SIX3: variants seen among roughly 807,000 people sequenced by gnomAD.
SIX3 encodes the protein SIX homeobox 3.
Under a neutral mutation model 21.7 loss-of-function variants are expected in SIX3, and 2 were observed. The ratio of observed to expected loss-of-function variants is 0.09; its 90% confidence interval spans 0.04 to 0.29. The LOEUF is 0.29. Ranked by LOEUF, SIX3 falls within the 10% of genes least tolerant of loss-of-function variation. SIX3 has a pLI of 1.00. For missense variants in SIX3, 347 were observed against 480.7 expected (o/e 0.72, Z 2.60); for synonymous variants, 243 against 220.6 (o/e 1.10, Z -0.90).
rs936791294 is a variant in SIX3 at position 44,945,432 on chromosome 2, G to A, written c.*672G>A. 1 of 137,106 alleles carries A rather than the reference G, an allele frequency of 7.3e-6. No individual in the cohort carries two copies. The highest frequency in any genetic ancestry group is 1.5e-5 in the Non-Finnish European group (1 of 65,530). The allele number at this position is 137,106 out of a possible 1,614,324, so 8.5% of individuals were successfully genotyped here. ...CTCTCTCTCTCTTTTTTTTTCTCTC[G>A]CTCTCTTTCTTTCTCTTCTTCTCTC... On this transcript the variant is annotated 3_prime_UTR_variant, in exon 2 of 2. Transcript: ENST00000260653.
Position 44,941,785 on chromosome 2 carries a change from C to A in SIX3, c.-320C>A, listed in dbSNP as rs920919427. 1.2e-5 allele frequency: 4 copies of A among 333,576 alleles called. No individual in the cohort carries two copies. Among genetic ancestry groups the A allele is most frequent in the East Asian group, 6.6e-5 (1 of 15,238 alleles). 20.7% of individuals were successfully genotyped at this position (333,576 alleles called of 1,614,324 possible). ...GTGGAATCGCTGAATCTTGACTCGG[C>A]GGTGGTTGGCTCTCCCTCTCCTCTC... On this transcript the variant is annotated 5_prime_UTR_variant, in exon 1 of 2. Coordinates refer to ENST00000260653, the MANE Select transcript of SIX3 (RefSeq NM_005413.4).
rs1281686738 is a variant in SIX3, at chr2:44,942,286, G to A, written c.182G>A (p.Gly61Glu). 1.3e-6 allele frequency: 2 copies of A among 1,552,646 alleles called. No homozygotes were observed. The highest frequency in any genetic ancestry group is 1.7e-6 in the Non-Finnish European group (2 of 1,156,028). Residue 61 changes from glycine (G) to glutamate (E), a missense_variant, in exon 1 of 2, where the codon GGA becomes GAA. Around this residue, in one of 4 missense-constraint regions of SIX3, gnomAD observed 105 missense variants for 116.1 expected, o/e 0.90. Transcript: ENST00000260653. This position sits in a 1 kb window ranked among gnomAD's most constrained non-coding sequence, Gnocchi z 8.4. The stretch of plus-strand genomic sequence containing the variant: ...GGTGCGGGAGGCGGCGGTGCTGGCG[G>A]AGCAGGCGGCGGCGGCGGCGGCGGC... ...GNGAGGGGAG[G>E]AGGGGGGGSR...
intron 1 of SIX3, among the ~76,000 whole-genome samples, chr2:44,943,709 A>G (rs961555692): frequency 1.3e-5 from 2 of 152,218 alleles, no homozygotes; most frequent in South Asian, 2.1e-4. Flanking sequence ...GAGTGGGGAG[A>G]GAAGGGAGAA....
In SIX3 at chr2:44,942,830, C is replaced by T. The variant is rs1166079215; in HGVS notation, c.726C>T (p.Ala242=). Reference sequence around the variant, plus strand: ...GCAAGAAACGCGAACTGGCGCAGGCCACCGGCCTCACTCCCACACAAGTAG... The same window carrying T: ...GCAAGAAACGCGAACTGGCGCAGGCTACCGGCCTCACTCCCACACAAGTAG... The part of the protein sequence containing the change: ...NPSKKRELAQ[A]TGLTPTQVGN... Residue 242 remains alanine (A), a synonymous_variant, in exon 1 of 2, where the codon GCC becomes GCT. Coordinates refer to ENST00000260653, the MANE Select transcript of SIX3 (RefSeq NM_005413.4). The surrounding 1 kb of genome is among the most constrained non-coding windows in gnomAD (Gnocchi z 8.4). 1 of 1,599,470 alleles carries T rather than the reference C, an allele frequency of 6.3e-7. No homozygotes were observed. The highest frequency in any genetic ancestry group is 8.5e-7 in the Non-Finnish European group (1 of 1,179,924).
rs1666686824 is a variant in SIX3, at chr2:44,946,003, T to G, written c.*1243T>G. ...CCTGTAGGGCGCTTTTACTGTTATC[T>G]TAAACTGCGTGTTTATCTATATGTA... On this transcript the variant is annotated 3_prime_UTR_variant, in exon 2 of 2. Transcript: ENST00000260653. The G allele has an allele frequency of 6.6e-6, 1 of 152,284 alleles. No individual in the cohort carries two copies. The highest frequency in any genetic ancestry group is 6.5e-5 in the Admixed American group (1 of 15,294). The allele number at this position is 152,284 out of a possible 1,614,324, so 9.4% of individuals were successfully genotyped here. A position where few individuals can be genotyped will look rare whatever the true frequency, so the allele number is the denominator to read the frequency against.
intron 1 of SIX3, among the ~76,000 whole-genome samples, 159 bp downstream of exon 1, chr2:44,943,069 G>A (rs1028574322): frequency 2.0e-5 from 3 of 152,248 alleles, no homozygotes; most frequent in Non-Finnish European, 4.4e-5. Flanking sequence ...GCGGAAGAGG[G>A]GGCCGGGCTG....
chr2:44,944,088 T>C (rs1310085590), intron 1 of SIX3, among the ~76,000 whole-genome samples: 1 of 152,184 alleles, frequency 6.6e-6, no homozygotes, highest in Non-Finnish European at 1.5e-5. Context: ...CCTTTGCCCC[T>C]TTTCTGTCTC....
intron 1 of SIX3, among the ~76,000 whole-genome samples, chr2:44,943,805 T>A (rs1170330126): frequency 6.6e-6 from 1 of 152,168 alleles, no homozygotes; most frequent in Admixed American, 6.5e-5. Flanking sequence ...CTGGTGTACT[T>A]CAGGGAGCAG....
At position 44,944,865 on chromosome 2, in the gene SIX3, C is replaced by A; in HGVS notation, c.*105C>A. 8.9e-7 allele frequency: 1 copy of A among 1,119,794 alleles called. No homozygotes were observed. The highest frequency in any genetic ancestry group is 1.3e-6 in the Non-Finnish European group (1 of 766,996). The allele number at this position is 1,119,794 out of a possible 1,614,324, so 69.4% of individuals were successfully genotyped here. A position where few individuals can be genotyped will look rare whatever the true frequency, so the allele number is the denominator to read the frequency against. On this transcript the variant is annotated 3_prime_UTR_variant, in exon 2 of 2. Coordinates refer to ENST00000260653, the MANE Select transcript of SIX3 (RefSeq NM_005413.4). ...CTCCTCTTCCTTCTCCTCCTCCATC[C>A]CCAGAACAAACCGAAATCAGGATAC...
At position 44,942,371 on chromosome 2, in the gene SIX3, G is replaced by A. The variant is rs1471218544; in HGVS notation, c.267G>A (p.Pro89=). 4 of 1,597,070 alleles carry A rather than the reference G, an allele frequency of 2.5e-6. No individual in the cohort carries two copies. The highest frequency in any genetic ancestry group is 1.1e-5 in the South Asian group (1 of 91,056). The change falls in exon 1 of 2, where the codon CCG becomes CCA. Residue 89 remains proline, a synonymous_variant. Coordinates refer to ENST00000260653, the MANE Select transcript of SIX3 (RefSeq NM_005413.4). This position sits in a 1 kb window ranked among gnomAD's most constrained non-coding sequence, Gnocchi z 8.4. ...MFQLPTLNFS[P]EQVASVCETL... ...AGCTGCCCACCCTCAACTTCTCGCC[G>A]GAGCAGGTGGCCAGCGTCTGTGAGA...
rs1451065756 is a variant in SIX3 at position 44,945,220 on chromosome 2, A to G, written c.*460A>G. On this transcript the variant is annotated 3_prime_UTR_variant, in exon 2 of 2. Transcript: ENST00000260653. ...TTAAAAATGATTTAAAGAGTCGACT[A>G]TACAAAAATCAATCACCACCACGAG... 1 of 156,808 alleles carries G rather than the reference A, an allele frequency of 6.4e-6. No homozygotes were observed. The highest frequency in any genetic ancestry group is 2.0e-4 in the South Asian group (1 of 5,116). 9.7% of individuals were successfully genotyped at this position (156,808 alleles called of 1,614,324 possible). A position where few individuals can be genotyped will look rare whatever the true frequency, so the allele number is the denominator to read the frequency against.
In SIX3 at chr2:44,941,857, C is replaced by T; in HGVS notation, c.-248C>T. On this transcript the variant is annotated 5_prime_UTR_variant, in exon 1 of 2. Transcript: ENST00000260653. ...GTCTCGGGTTCTCTCTCTGCGCGCGCGCACCGGGCCGCTCTCCTACCTCCC... is the reference window on the plus strand; with the variant it reads ...GTCTCGGGTTCTCTCTCTGCGCGCGTGCACCGGGCCGCTCTCCTACCTCCC... 7.6e-6 allele frequency: 3 copies of T among 396,278 alleles called. No individual in the cohort carries two copies. The highest frequency in any genetic ancestry group is 6.2e-5 in the South Asian group (2 of 32,142). 24.5% of individuals were successfully genotyped at this position (396,278 alleles called of 1,614,324 possible).
intron 1 of SIX3, 140 bp downstream of exon 1, chr2:44,943,050 C>T (rs925330371): frequency 7.2e-7 from 1 of 1,389,894 alleles, no homozygotes; most frequent in Non-Finnish European, 9.5e-7. Flanking sequence ...TTCCGCTTGT[C>T]CGGGACGCGC....
Position 44,942,466 on chromosome 2 carries a change from C to A in SIX3, c.362C>A (p.Ala121Glu), listed in dbSNP as rs1195691730. ...TGGTCGCTGCCCGTGGCCCCCGGGG[C>A]GTGCGAGGCCATCAACAAACACGAG... ...FLWSLPVAPGACEAINKHESI... is the reference protein window; with the variant it reads ...FLWSLPVAPGECEAINKHESI... The change falls in exon 1 of 2, where the codon GCG becomes GAG. Residue 121 changes from alanine (A) to glutamate (E), a missense_variant. Physicochemically the swap from Ala to Glu is moderately radical, Grantham distance 107. Around this residue, in one of 4 missense-constraint regions of SIX3, gnomAD observed 117 missense variants for 205.9 expected, o/e 0.57. Coordinates refer to ENST00000260653, the MANE Select transcript of SIX3 (RefSeq NM_005413.4). The surrounding 1 kb of genome is among the most constrained non-coding windows in gnomAD (Gnocchi z 8.4). 6.3e-7 allele frequency: 1 copy of A among 1,597,930 alleles called. No individual in the cohort carries two copies. The highest frequency in any genetic ancestry group is 8.5e-7 in the Non-Finnish European group (1 of 1,179,676).
chr2:44,944,501 G>T (rs1572625245), intron 1 of SIX3, 67 bp from the exon 2 acceptor site: 3 of 1,491,084 alleles, frequency 2.0e-6, no homozygotes, highest in Non-Finnish European at 2.7e-6. Context: ...AATGGGGAGC[G>T]GCGGCGCGGG....
At position 44,945,063 on chromosome 2, in the gene SIX3, G is replaced by C. The variant is rs905100888; in HGVS notation, c.*303G>C. On this transcript the variant is annotated 3_prime_UTR_variant, in exon 2 of 2. Transcript: ENST00000260653. ...ACAGACAGTCAAACGCTGATGTTGC[G>C]GGCAGAAAACATAAAAGAGGTGACA... The C allele has an allele frequency of 7.9e-6, 4 of 507,656 alleles. No homozygotes were observed. The highest frequency in any genetic ancestry group is 2.3e-5 in the South Asian group (1 of 44,368). 31.4% of individuals were successfully genotyped at this position (507,656 alleles called of 1,614,324 possible). A position where few individuals can be genotyped will look rare whatever the true frequency, so the allele number is the denominator to read the frequency against.
chr2:44,943,120 G>A (rs897786758), intron 1 of SIX3, among the ~76,000 whole-genome samples: 3 of 152,192 alleles, frequency 2.0e-5, no homozygotes, highest in Non-Finnish European at 4.4e-5. Flanking sequence ...AGGGGCTTTC[G>A]TCAGGGCAGA....
chr2:44,942,591 G>A lies in SIX3; in HGVS notation c.487G>A (p.Gly163Ser), dbSNP rs2103642066. 2.5e-6 allele frequency: 4 copies of A among 1,598,320 alleles called. No individual in the cohort carries two copies. Among genetic ancestry groups the A allele is most frequent in the South Asian group, 1.1e-5 (1 of 90,852 alleles). ...ENHKFTKESH[G>S]KLQAMWLEAH... is the part of the protein sequence containing the mutation. ...CCACAAGTTCACCAAGGAGTCTCACGGCAAGCTGCAGGCCATGTGGCTCGA... is the reference window on the plus strand; with the variant it reads ...CCACAAGTTCACCAAGGAGTCTCACAGCAAGCTGCAGGCCATGTGGCTCGA... Residue 163 changes from glycine to serine, a missense_variant, in exon 1 of 2, where the codon GGC becomes AGC. Around this residue, in one of 4 missense-constraint regions of SIX3, gnomAD observed 117 missense variants for 205.9 expected, o/e 0.57. Transcript: ENST00000260653. This position sits in a 1 kb window ranked among gnomAD's most constrained non-coding sequence, Gnocchi z 8.4.
rs1085307513 is a variant in SIX3 at position 44,942,881 on chromosome 2, G to A, written c.777G>A (p.Gln259=). 1 of 1,598,578 alleles carries A rather than the reference G, an allele frequency of 6.3e-7. No homozygotes were observed. The highest frequency in any genetic ancestry group is 8.5e-7 in the Non-Finnish European group (1 of 1,179,848). ...GCAACTGGTTTAAGAACCGGCGGCA[G>A]CGCGACCGCGCCGCGGCGGCCAAGA... The part of the protein sequence containing the change: ...QVGNWFKNRR[Q]RDRAAAAKNR... The change falls in exon 1 of 2, where the codon CAG becomes CAA. Residue 259 remains glutamine, a synonymous_variant. Coordinates refer to ENST00000260653, the MANE Select transcript of SIX3 (RefSeq NM_005413.4). The surrounding 1 kb of genome is among the most constrained non-coding windows in gnomAD (Gnocchi z 8.4).
Sources: gnomAD v4.1 joint callset for allele counts (sites outside exome capture counted in the v4.1 genomes callset) on GRCh38, gnomAD v4.1.1 for gene constraint, gnomAD v4.1.1 regional missense constraint, Gnocchi (gnomAD v3.1) non-coding constraint, MANE v1.5 for transcripts, NCBI Gene and HGNC (gene_info 2026-07-23, HGNC 2026-07-21) for gene names.